CSMD1: variants seen among roughly 807,000 people sequenced by gnomAD.
CSMD1 encodes the protein CUB and Sushi multiple domains 1.
CSMD1 carries 213 observed loss-of-function variants against 417.5 expected under a neutral mutation model. The observed-to-expected ratio is 0.51, with a 90% CI of 0.46 to 0.57. The LOEUF (loss-of-function observed/expected upper bound fraction) is 0.57, where lower values mean the gene tolerates loss of function less well. Ranked by LOEUF, CSMD1 falls within the 20% of genes least tolerant of loss-of-function variation. The probability of loss-of-function intolerance (pLI) is 0.00; values close to 1 mark genes in which losing one functional copy is unlikely to be tolerated. For synonymous variants in CSMD1, 2,862 were observed against 1,736.8 expected (o/e 1.65, Z -16.11); for missense variants, 6,923 against 4,529.7 (o/e 1.53, Z -15.17).
chr8:2,980,485 TCTCTTTCTCCTC>T (rs1805311961), intron 54 of CSMD1, among the ~76,000 whole-genome samples: 1 of 151,854 alleles, frequency 6.6e-6, no homozygotes, highest in Non-Finnish European at 1.5e-5. Flanking sequence ...TCCTCCTCCT[TCTCTTTCTCCTC>T]CTCCTTATCA....
chr8:3,223,341 G>A (rs548662862), intron 28 of CSMD1, among the ~76,000 whole-genome samples: 10 of 152,212 alleles, frequency 6.6e-5, no homozygotes, highest in Middle Eastern at 6.8e-3. Flanking sequence ...CTACCCTCAG[G>A]AACGTCAGGA....
intron 40 of CSMD1, among the ~76,000 whole-genome samples, chr8:3,147,036 G>T (rs891096700): frequency 6.6e-6 from 1 of 151,502 alleles, no homozygotes; most frequent in South Asian, 2.1e-4. Context: ...TTATATTCCG[G>T]ATAAGTGTTA....
chr8:4,542,197 G>A lies in CSMD1; in HGVS notation c.302+95145C>T, dbSNP rs189574735. ...GTTCTAAGTCTTCCTCAAACTTTCT[G>A]AATAAAAATATGGCACAACTTGTTT... On this transcript the variant is annotated intron_variant, in intron 2 of 69. Transcript: ENST00000635120. Among the ~76,000 whole-genome samples, 174 of 152,026 alleles carry A rather than the reference G, an allele frequency of 1.1e-3. 1 individual carries two copies. Among genetic ancestry groups the A allele is most frequent in the African/African-American group, 4.1e-3 (170 of 41,476 alleles).
intron 2 of CSMD1, among the ~76,000 whole-genome samples, chr8:4,620,969 A>G (rs746797999): frequency 2.0e-5 from 3 of 152,036 alleles, no homozygotes; most frequent in Non-Finnish European, 2.9e-5. Flanking sequence ...GAAAATTGGC[A>G]AACTCTTGGC....
At chr8:3,731,734 A>T (rs991762844) in intron 6 of CSMD1, among the ~76,000 whole-genome samples, 2 of 152,208 alleles carry the variant, frequency 1.3e-5, no homozygotes, top group African/African-American at 4.8e-5. Flanking sequence ...ATTTACAGGT[A>T]GAGAGACTAA....
chr8:3,581,515 T>C (rs1361422200), intron 9 of CSMD1, among the ~76,000 whole-genome samples: 3 of 152,174 alleles, frequency 2.0e-5, no homozygotes, highest in Admixed American at 6.5e-5. Flanking sequence ...CTCACTGCAA[T>C]TTATCGAATG....
At chr8:3,416,875 C>T (rs1183921951) in intron 12 of CSMD1, among the ~76,000 whole-genome samples, 1 of 152,212 alleles carries the variant, frequency 6.6e-6, no homozygotes, top group East Asian at 1.9e-4. Context: ...TCCAAAACCA[C>T]TTATGAAAGT....
At position 4,393,674 on chromosome 8, in the gene CSMD1, C is replaced by T. The variant is rs138145283; in HGVS notation, c.415+26279G>A. ...CACTAGCCCAGTCACCTTCACACTC[C>T]TATACTATAATTAACCAAGAACCTG... On this transcript the variant is annotated intron_variant, in intron 3 of 69. Transcript: ENST00000635120. 3.9e-3 allele frequency among the ~76,000 whole-genome samples: 595 copies of T among 152,294 alleles called. 2 individuals are homozygous for T. The highest frequency in any genetic ancestry group is 0.014 in the African/African-American group (567 of 41,566).
At chr8:4,671,714 G>T (rs1805342763) in intron 1 of CSMD1, among the ~76,000 whole-genome samples, 1 of 152,126 alleles carries the variant, frequency 6.6e-6, no homozygotes, top group Non-Finnish European at 1.5e-5. Context: ...ATATGGGTCA[G>T]AAAGTATTGC....
At chr8:4,332,152 T>A (rs982866994) in intron 3 of CSMD1, among the ~76,000 whole-genome samples, 1 of 152,114 alleles carries the variant, frequency 6.6e-6, no homozygotes. Flanking sequence ...TCAAGTTGCT[T>A]AGGTCATGGA....
intron 3 of CSMD1, among the ~76,000 whole-genome samples, chr8:4,048,546 A>G (rs1798265415): frequency 6.6e-6 from 1 of 152,174 alleles, no homozygotes; most frequent in African/African-American, 2.4e-5. Flanking sequence ...AACCAAGTAA[A>G]AGGGAGAGCC....
At chr8:4,530,519 AG>A (rs1796756889) in intron 2 of CSMD1, among the ~76,000 whole-genome samples, 1 of 123,756 alleles carries the variant, frequency 8.1e-6, no homozygotes, top group South Asian at 2.5e-4. Context: ...GACAGGCCCC[AG>A]TGTGTGATGT....
At chr8:3,972,442 T>C (rs905783768) in intron 5 of CSMD1, among the ~76,000 whole-genome samples, 2 of 152,232 alleles carry the variant, frequency 1.3e-5, no homozygotes, top group South Asian at 2.1e-4. Flanking sequence ...TTTAGGTCTT[T>C]GTAAACAGTG....
intron 1 of CSMD1, among the ~76,000 whole-genome samples, chr8:4,886,016 T>C (rs1348196770): frequency 6.6e-6 from 1 of 152,034 alleles, no homozygotes; most frequent in African/African-American, 2.4e-5. Context: ...TTTGAGACAG[T>C]GTCTCCCTCT....
chr8:3,219,744 C>G (rs936117794), intron 28 of CSMD1, among the ~76,000 whole-genome samples: 2 of 152,104 alleles, frequency 1.3e-5, no homozygotes, highest in African/African-American at 4.8e-5. Context: ...TTTCCGTGTA[C>G]TCATTAATTT....
chr8:3,348,114 G>T lies in CSMD1; in HGVS notation c.3352C>A (p.Pro1118Thr), dbSNP rs1275270084. The T allele has an allele frequency of 6.8e-6, 11 of 1,612,530 alleles. No homozygotes were observed. The highest frequency in any genetic ancestry group is 1.3e-5 in the African/African-American group (1 of 74,844). ...VKGNEGTLLS[P>T]NFPSNYDNNH... is the part of the protein sequence containing the mutation. Reference sequence around the variant, plus strand: ...TTATCATAATTGGATGGAAAATTTGGAGACAGTAATGTTCCTTCATTTCCT... The same window carrying T: ...TTATCATAATTGGATGGAAAATTTGTAGACAGTAATGTTCCTTCATTTCCT... The change falls in exon 22 of 70, where the codon CCA becomes ACA. Residue 1118 changes from proline to threonine, a missense_variant. Pro to Thr is a conservative substitution (Grantham distance 38). Coordinates refer to ENST00000635120, the MANE Select transcript of CSMD1 (RefSeq NM_033225.6).
chr8:3,790,822 G>A (rs929286100), intron 5 of CSMD1, among the ~76,000 whole-genome samples: 1 of 152,160 alleles, frequency 6.6e-6, no homozygotes, highest in Non-Finnish European at 1.5e-5. Flanking sequence ...GGGACCTGGA[G>A]ATGTCAGAGC....
intron 25 of CSMD1, among the ~76,000 whole-genome samples, chr8:3,288,436 T>C (rs1166756890): frequency 6.8e-6 from 1 of 147,160 alleles, no homozygotes; most frequent in Non-Finnish European, 1.5e-5. Context: ...TCCTGGACTT[T>C]TTTTGGTTGG....
intron 7 of CSMD1, among the ~76,000 whole-genome samples, chr8:3,680,425 T>G (rs1799591522): frequency 6.6e-6 from 1 of 152,148 alleles, no homozygotes; most frequent in South Asian, 2.1e-4. Context: ...GCAAATGAAC[T>G]AGAAAATCTA....
Sources: gnomAD v4.1 joint callset for allele counts (sites outside exome capture counted in the v4.1 genomes callset) on GRCh38, gnomAD v4.1.1 for gene constraint, MANE v1.5 for transcripts, NCBI Gene and HGNC (gene_info 2026-07-23, HGNC 2026-07-21) for gene names.